Variants in KCTD14 observed in about 807,000 individuals in gnomAD.
The protein encoded by KCTD14 is potassium channel tetramerization domain containing 14.
A neutral mutation model predicts 5.9 loss-of-function variants in KCTD14; 7 were observed. The ratio of observed to expected loss-of-function variants is 1.19; its 90% CI spans 0.68 to 2.23. The LOEUF is 2.23. KCTD14 is among the 30% of genes most tolerant of loss of function. The pLI, the probability that KCTD14 is intolerant of heterozygous loss-of-function variation, is 0.00. For synonymous variants in KCTD14, 140 were observed against 133.1 expected, an observed-to-expected ratio of 1.05 and a Z score of -0.36; for missense variants, 342 against 332.2, an observed-to-expected ratio of 1.03 and a Z score of -0.23.
At chr11:78,036,102 T>C (rs1857791777) in intron 2 of KCTD14, among the ~76,000 whole-genome samples, 2 of 151,944 alleles carry the variant, frequency 1.3e-5, no homozygotes, top group African/African-American at 4.8e-5. Context: ...GAGGTTGCAT[T>C]GAGCAGAGAT....
At chr11:78,039,371 T>A (rs10793278) in intron 1 of KCTD14, among the ~76,000 whole-genome samples, 91,140 of 130,368 alleles carry the variant, frequency 0.7, 28,192 homozygotes, top group Non-Finnish European at 0.72. Flanking sequence ...ACAAAAAAAA[T>A]AAATAAAATT....
chr11:78,025,599 C>T (rs1371989735), upstream of KCTD14, among the ~76,000 whole-genome samples: 5 of 152,142 alleles, frequency 3.3e-5, no homozygotes, highest in African/African-American at 1.2e-4. Flanking sequence ...GGCTGAGTTC[C>T]CTTATGAGGC....
chr11:78,033,901 G>GTGTGTGTGTGTACATATATA, intron 2 of KCTD14, among the ~76,000 whole-genome samples: 52 of 115,588 alleles, frequency 4.5e-4, no homozygotes, highest in African/African-American at 1.6e-3. Context: ...GTGTGTGTGT[G>GTGTGTGTGTGTACATATATA]TATATATATA....
intron 2 of KCTD14, among the ~76,000 whole-genome samples, chr11:78,034,339 AC>A (rs1280012172): frequency 6.6e-6 from 1 of 151,998 alleles, no homozygotes; most frequent in Non-Finnish European, 1.5e-5. Context: ...CCCAGGCTGA[AC>A]TCCTGGGCTC....
chr11:78,034,233 C>T (rs550124311), intron 2 of KCTD14, among the ~76,000 whole-genome samples: 5 of 152,204 alleles, frequency 3.3e-5, no homozygotes, highest in South Asian at 2.1e-4. Flanking sequence ...AGAGATCCCC[C>T]GACCTCAGCC....
chr11:78,041,038 G>A (rs1857979396), intron 1 of KCTD14, among the ~76,000 whole-genome samples: 1 of 152,220 alleles, frequency 6.6e-6, no homozygotes, highest in African/African-American at 2.4e-5. Context: ...GATCTCCGAA[G>A]TGGGAGTTGC....
At chr11:78,038,755 C>T (rs962449974) in exon 2 of KCTD14, 20 of 1,535,558 alleles carry the variant, frequency 1.3e-5, no homozygotes, top group Non-Finnish European at 1.7e-5. Context: ...GCCAATGTCA[C>T]CCCCTGAAAC....
At chr11:78,025,957 A>T (rs550991038), upstream of KCTD14, among the ~76,000 whole-genome samples, 34 of 152,326 alleles carry the variant, frequency 2.2e-4, 1 homozygote, top group Middle Eastern at 3.4e-3. Flanking sequence ...AGTTGCCAAC[A>T]GTTATCGATC....
At chr11:78,025,112 GTGTGTGTATATA>G (rs1258849212), upstream of KCTD14, among the ~76,000 whole-genome samples, 36 of 68,632 alleles carry the variant, frequency 5.2e-4, no homozygotes, top group African/African-American at 1.8e-3. Context: ...GTGTGTGTGT[GTGTGTGTATATA>G]TATATATATA....
chr11:78,039,806 T>C (rs1565317998), intron 1 of KCTD14, among the ~76,000 whole-genome samples: 1 of 152,082 alleles, frequency 6.6e-6, no homozygotes. Flanking sequence ...TTCCCCCATA[T>C]GAAGGGCTCT....
At chr11:78,028,620 A>T (rs1195340116) in intron 2 of KCTD14, among the ~76,000 whole-genome samples, 1 of 128,252 alleles carries the variant, frequency 7.8e-6, no homozygotes. Flanking sequence ...AAAAAAAAAA[A>T]GCAGCCTGAG....
intron 1 of KCTD14, among the ~76,000 whole-genome samples, chr11:78,042,411 G>A (rs1022708726): frequency 3.3e-5 from 5 of 152,100 alleles, no homozygotes; most frequent in Non-Finnish European, 7.4e-5. Flanking sequence ...AGGAGCCTGA[G>A]GCACGAGAAT....
intron 2 of KCTD14, among the ~76,000 whole-genome samples, chr11:78,030,927 G>A (rs1857594240): frequency 6.6e-6 from 1 of 152,004 alleles, no homozygotes; most frequent in Non-Finnish European, 1.5e-5. Flanking sequence ...ACCTGCTTGA[G>A]AAATATGCAA....
intron 1 of KCTD14, 62 bp downstream of exon 1, chr11:78,023,098 G>C: frequency 8.9e-7 from 1 of 1,127,792 alleles, no homozygotes; most frequent in Non-Finnish European, 1.3e-6. Flanking sequence ...GGAAGGGAGG[G>C]AAGAGGCGGA....
upstream of KCTD14, among the ~76,000 whole-genome samples, chr11:78,024,487 G>A (rs1339709976): frequency 6.7e-6 from 1 of 148,288 alleles, no homozygotes; most frequent in African/African-American, 2.5e-5. Flanking sequence ...ATTGGTTACA[G>A]TTAAAAAATC....
chr11:78,045,597 A>G (rs1413303429), intron 1 of KCTD14, among the ~76,000 whole-genome samples: 1 of 152,154 alleles, frequency 6.6e-6, no homozygotes, highest in African/African-American at 2.4e-5. Flanking sequence ...ATGTCTTCCA[A>G]AGTTAGCTTG....
intron 1 of KCTD14, among the ~76,000 whole-genome samples, chr11:78,018,975 G>T (rs1224606284): frequency 6.6e-6 from 1 of 151,256 alleles, no homozygotes; most frequent in Non-Finnish European, 1.5e-5. Flanking sequence ...AGAAGTTCTG[G>T]TTAACAGTTC....
At chr11:78,029,397 T>C (rs1857556171) in intron 2 of KCTD14, among the ~76,000 whole-genome samples, 2 of 152,190 alleles carry the variant, frequency 1.3e-5, no homozygotes, top group Non-Finnish European at 2.9e-5. Flanking sequence ...TATTTACTGC[T>C]GTCACCTGAC....
At chr11:78,021,488 G>A (rs1314011422) in intron 1 of KCTD14, among the ~76,000 whole-genome samples, 3 of 151,560 alleles carry the variant, frequency 2.0e-5, no homozygotes, top group East Asian at 2.0e-4. Context: ...GTACAATCTC[G>A]GCTCACTGCA....
Sources: gnomAD v4.1 joint callset for allele counts (sites outside exome capture counted in the v4.1 genomes callset) on GRCh38, gnomAD v4.1.1 for gene constraint, MANE v1.5 for transcripts, NCBI Gene and HGNC (gene_info 2026-07-23, HGNC 2026-07-21) for gene names.